DCDC1: variants seen among roughly 807,000 people sequenced by gnomAD.
The protein encoded by DCDC1 is doublecortin domain containing 1.
In DCDC1, 200 loss-of-function variants were observed where a neutral mutation model predicts 178.3. The observed-to-expected ratio is 1.12, with a 90% CI of 1.00 to 1.26. DCDC1 has a LOEUF of 1.26. DCDC1 is among the 50% of genes most tolerant of loss of function. The probability of loss-of-function intolerance (pLI) is 0.00; values close to 1 mark genes in which losing one functional copy is unlikely to be tolerated. For missense variants in DCDC1, 1,983 were observed against 1,749.2 expected (o/e 1.13, Z -2.38); for synonymous variants, 690 against 604.8 (o/e 1.14, Z -2.07).
Position 31,030,733 on chromosome 11 carries a change from T to C in DCDC1, c.2591+33736A>G, listed in dbSNP as rs543585687. ...TCATGTGGAAAACAGCTCCTGCAGA[T>C]CAATTCATAGGATTTAGAGACATTT... On this transcript the variant is annotated intron_variant, in intron 20 of 38. Coordinates refer to ENST00000684477, the MANE Select transcript of DCDC1 (RefSeq NM_001387274.1). Among the ~76,000 whole-genome samples, 6 of 152,228 alleles carry C rather than the reference T, an allele frequency of 3.9e-5. No homozygotes were observed. The East Asian group carries it at 1.2e-3, about 29-fold the overall frequency.
intron 9 of DCDC1, among the ~76,000 whole-genome samples, chr11:31,172,435 C>T (rs367838792): frequency 6.6e-6 from 1 of 151,986 alleles, no homozygotes; most frequent in Non-Finnish European, 1.5e-5. Flanking sequence ...CTATTATTGT[C>T]TATTTACTGA....
rs559578552 is a variant in DCDC1, at chr11:30,970,293, A to G, written c.2592-17725T>C. 1.2e-4 allele frequency among the ~76,000 whole-genome samples: 19 copies of G among 152,272 alleles called. 1 individual carries two copies. The South Asian group carries it at 3.9e-3, about 32-fold the overall frequency. ...CATGCTGGTTCCCCAAGTCCTAAGC[A>G]GCTACAGCATGGCACCATTTTGAGG... On this transcript the variant is annotated intron_variant, in intron 20 of 38. Transcript: ENST00000684477.
intron 7 of DCDC1, among the ~76,000 whole-genome samples, chr11:31,289,473 T>C (rs1947067251): frequency 6.6e-6 from 1 of 151,964 alleles, no homozygotes; most frequent in African/African-American, 2.4e-5. Context: ...TCTTAACCAG[T>C]TGTGGTTGTA....
intron 20 of DCDC1, among the ~76,000 whole-genome samples, chr11:30,963,142 T>C (rs1949213961): frequency 6.6e-6 from 1 of 152,162 alleles, no homozygotes; most frequent in Admixed American, 6.6e-5. Context: ...GAGCACTTGC[T>C]GTCTCTCCCC....
intron 22 of DCDC1, among the ~76,000 whole-genome samples, chr11:30,928,571 G>A (rs1326067981): frequency 4.8e-3 from 2 of 416 alleles, no homozygotes; most frequent in African/African-American, 0.012. Flanking sequence ...AAAGCTAGGG[G>A]AATTTGATAG....
intron 7 of DCDC1, among the ~76,000 whole-genome samples, chr11:31,278,713 T>C (rs545246768): frequency 1.3e-5 from 2 of 152,266 alleles, no homozygotes; most frequent in South Asian, 4.1e-4. Flanking sequence ...AATTCAACTG[T>C]TAATCAGCTT....
intron 38 of DCDC1, among the ~76,000 whole-genome samples, chr11:30,876,273 C>G (rs1207441409): frequency 6.6e-6 from 1 of 152,158 alleles, no homozygotes; most frequent in East Asian, 1.9e-4. Context: ...AAGGAAATTA[C>G]TGCATTTATT....
chr11:31,127,724 G>A (rs1961845664), intron 10 of DCDC1, 85 bp from the exon 11 acceptor site: 1 of 643,404 alleles, frequency 1.6e-6, no homozygotes, highest in African/African-American at 1.8e-5. Context: ...CTAGCTTGAT[G>A]GGGGGAAAAT....
chr11:31,053,304 A>G (rs1397625031), intron 20 of DCDC1, among the ~76,000 whole-genome samples: 1 of 152,156 alleles, frequency 6.6e-6, no homozygotes, highest in Non-Finnish European at 1.5e-5. Context: ...CCCTGAATAG[A>G]CTAATAACAA....
intron 36 of DCDC1, among the ~76,000 whole-genome samples, chr11:30,884,760 T>C (rs927634381): frequency 6.6e-6 from 1 of 152,002 alleles, no homozygotes; most frequent in Non-Finnish European, 1.5e-5. Flanking sequence ...AAGTCTTTTT[T>C]ACATATACTA....
chr11:31,180,316 T>C (rs990098800), intron 9 of DCDC1, among the ~76,000 whole-genome samples: 14 of 152,170 alleles, frequency 9.2e-5, no homozygotes, highest in Non-Finnish European at 8.8e-5. Flanking sequence ...AAGAAATAAT[T>C]AATGTATGAC....
intron 9 of DCDC1, among the ~76,000 whole-genome samples, chr11:31,139,083 C>A (rs899171731): frequency 6.6e-6 from 1 of 151,846 alleles, no homozygotes; most frequent in African/African-American, 2.4e-5. Context: ...GCCATTGTAG[C>A]ATGAAATAGA....
intron 18 of DCDC1, among the ~76,000 whole-genome samples, chr11:31,067,304 A>T (rs1462950613): frequency 6.6e-6 from 1 of 152,156 alleles, no homozygotes; most frequent in African/African-American, 2.4e-5. Flanking sequence ...ACATTTCTCC[A>T]AAGAAGATAA....
rs1946518873 is a variant in DCDC1, at chr11:30,925,233, CTT to C, written c.2997+74_2997+75del. Reference sequence around the variant, plus strand: ...AATTAAAATGGTAAGCATTTGAAGACTTATATTTAAGGGGATTCTTTCTTGGA... The same window carrying C: ...AATTAAAATGGTAAGCATTTGAAGACATATTTAAGGGGATTCTTTCTTGGA... On this transcript the variant is annotated intron_variant, in intron 23 of 38. Coordinates refer to ENST00000684477, the MANE Select transcript of DCDC1 (RefSeq NM_001387274.1). 7.0e-6 allele frequency: 9 copies of C among 1,281,818 alleles called. No homozygotes were observed. The Admixed American group carries it at 1.3e-4, about 19-fold the overall frequency. 79.4% of individuals were successfully genotyped at this position (1,281,818 alleles called of 1,614,324 possible).
chr11:30,886,312 C>A (rs1417221380), intron 36 of DCDC1, among the ~76,000 whole-genome samples: 3 of 152,048 alleles, frequency 2.0e-5, no homozygotes, highest in African/African-American at 2.4e-5. Context: ...TCATAGAGAT[C>A]ATTTTCAAAA....
chr11:30,874,730 C>T (rs1378203833), intron 38 of DCDC1, among the ~76,000 whole-genome samples: 2 of 152,138 alleles, frequency 1.3e-5, no homozygotes, highest in Non-Finnish European at 2.9e-5. Context: ...CACCGAACTG[C>T]CTCAGCTGGT....
At chr11:30,915,796 T>G in intron 26 of DCDC1, 85 bp from the exon 27 acceptor site, 1 of 1,410,998 alleles carries the variant, frequency 7.1e-7, no homozygotes, top group Non-Finnish European at 9.7e-7. Flanking sequence ...TTATAAGTTC[T>G]GTTGGTGAGA....
chr11:30,925,308 C>A lies in DCDC1; in HGVS notation c.2997+1G>T. The stretch of plus-strand genomic sequence containing the variant: ...TGCCAGTTTCAAATCCATGTCTTTA[C>A]CAGTTCATCTCTTTGCAGGTCTTTT... On this transcript the variant is annotated splice_donor_variant, in intron 23 of 38. Transcript: ENST00000684477. LOFTEE classifies it high-confidence loss of function. The A allele has an allele frequency of 1.9e-6, 3 of 1,612,030 alleles. No homozygotes were observed. Among genetic ancestry groups the A allele is most frequent in the Non-Finnish European group, 2.5e-6 (3 of 1,178,440 alleles).
chr11:31,206,895 T>C (rs1473368140), intron 9 of DCDC1, among the ~76,000 whole-genome samples: 3 of 152,162 alleles, frequency 2.0e-5, no homozygotes, highest in African/African-American at 7.2e-5. Context: ...ATATGAGAAA[T>C]CACAGGTAAT....
Sources: gnomAD v4.1 joint callset for allele counts (sites outside exome capture counted in the v4.1 genomes callset) on GRCh38, gnomAD v4.1.1 for gene constraint, MANE v1.5 for transcripts, NCBI Gene and HGNC (gene_info 2026-07-23, HGNC 2026-07-21) for gene names.